The following KCNIP4 variants were observed in gnomAD, a reference collection of about 807,000 sequenced individuals.
The protein encoded by KCNIP4 is Kv channel-interacting protein 4.
Under a neutral mutation model 34.0 loss-of-function variants are expected in KCNIP4, and 12 were observed. The ratio of observed to expected loss-of-function variants is 0.35; its 90% CI spans 0.23 to 0.57. KCNIP4 has a LOEUF of 0.57. Among genes scored for constraint, KCNIP4 ranks in the 20% least tolerant of loss-of-function variants. The probability of loss-of-function intolerance (pLI) is 0.83; values close to 1 mark genes in which losing one functional copy is unlikely to be tolerated. For missense variants in KCNIP4, 238 were observed against 311.7 expected (o/e 0.76, Z 1.78); for synonymous variants, 124 against 102.2 (o/e 1.21, Z -1.29).
intron 1 of KCNIP4, among the ~76,000 whole-genome samples, chr4:21,459,108 C>T (rs1252678652): frequency 6.6e-6 from 1 of 152,024 alleles, no homozygotes; most frequent in Non-Finnish European, 1.5e-5. Flanking sequence ...ATTTTCCCTC[C>T]AGCTACTGTT....
chr4:21,827,155 G>A lies in KCNIP4; in HGVS notation c.61+121416C>T, dbSNP rs192129960. On this transcript the variant is annotated intron_variant, in intron 1 of 8. Coordinates refer to ENST00000382152, the MANE Select transcript of KCNIP4 (RefSeq NM_025221.6). ...AATGTGAATAAGCAATAAATTTTAA[G>A]AACACAAAATAAATTCCATTTGTGT... Among the ~76,000 whole-genome samples the A allele has an allele frequency of 3.9e-5, 6 of 152,042 alleles. No individual in the cohort carries two copies. The East Asian group carries it at 1.2e-3, about 29-fold the overall frequency.
chr4:21,366,441 G>T (rs1719772556), intron 1 of KCNIP4, among the ~76,000 whole-genome samples: 1 of 152,164 alleles, frequency 6.6e-6, no homozygotes, highest in Non-Finnish European at 1.5e-5. Flanking sequence ...AAAACAAAAA[G>T]GAAATTCCTG....
chr4:21,643,524 A>G (rs1414201837), intron 1 of KCNIP4, among the ~76,000 whole-genome samples: 1 of 152,184 alleles, frequency 6.6e-6, no homozygotes, highest in East Asian at 1.9e-4. Flanking sequence ...CGGTTAAATG[A>G]TGGTATCCAA....
intron 3 of KCNIP4, among the ~76,000 whole-genome samples, chr4:20,789,571 G>A (rs752275183): frequency 6.6e-6 from 1 of 151,944 alleles, no homozygotes; most frequent in Admixed American, 6.6e-5. Flanking sequence ...TGCTGGGCTT[G>A]GCCCTGTGCC....
At chr4:21,500,317 A>T (rs1322357059) in intron 1 of KCNIP4, among the ~76,000 whole-genome samples, 5 of 152,072 alleles carry the variant, frequency 3.3e-5, no homozygotes, top group Non-Finnish European at 5.9e-5. Context: ...CTGGGTTTTT[A>T]TAGGTGAGAG....
chr4:20,922,637 T>C (rs1224019461), intron 1 of KCNIP4, among the ~76,000 whole-genome samples: 1 of 152,074 alleles, frequency 6.6e-6, no homozygotes, highest in East Asian at 1.9e-4. Flanking sequence ...GTAAATAAAT[T>C]TACTTCATGT....
At chr4:21,306,582 A>G (rs536057952) in intron 1 of KCNIP4, among the ~76,000 whole-genome samples, 4 of 152,318 alleles carry the variant, frequency 2.6e-5, no homozygotes, top group Non-Finnish European at 5.9e-5. Flanking sequence ...ACTTTGGAAC[A>G]TGAAAAGCAT....
chr4:21,307,102 G>T (rs975861151), intron 1 of KCNIP4, among the ~76,000 whole-genome samples: 2 of 152,152 alleles, frequency 1.3e-5, no homozygotes, highest in South Asian at 2.1e-4. Context: ...GATTACAGGC[G>T]TGAGCAACTG....
At chr4:21,948,164 G>A (rs1730605883) in intron 1 of KCNIP4, among the ~76,000 whole-genome samples, 1 of 152,218 alleles carries the variant, frequency 6.6e-6, no homozygotes, top group Admixed American at 6.5e-5. Context: ...GGGCATGAAG[G>A]AAAAGTGGAA....
At chr4:21,618,198 T>G (rs1379999821) in intron 1 of KCNIP4, among the ~76,000 whole-genome samples, 2 of 152,164 alleles carry the variant, frequency 1.3e-5, no homozygotes, top group Non-Finnish European at 2.9e-5. Context: ...ATGCTCCTAG[T>G]CTGGGTAGGT....
chr4:20,767,001 T>C (rs1755473460), intron 3 of KCNIP4: 1 of 152,182 alleles, frequency 6.6e-6, no homozygotes, highest in Admixed American at 6.5e-5. Flanking sequence ...ATACACATAT[T>C]ATGCTATTAT....
intron 1 of KCNIP4, among the ~76,000 whole-genome samples, chr4:21,238,324 C>T (rs1759532998): frequency 6.6e-6 from 1 of 152,104 alleles, no homozygotes; most frequent in South Asian, 2.1e-4. Context: ...TGGCACAAGA[C>T]AGGGATGCCC....
rs572970800 is a variant in KCNIP4, at chr4:21,185,065, C to T, written c.62-302356G>A. Among the ~76,000 whole-genome samples the T allele has an allele frequency of 7.0e-4, 106 of 152,226 alleles. 1 individual carries two copies. Among genetic ancestry groups the T allele is most frequent in the Non-Finnish European group, 8.1e-4 (55 of 68,010 alleles). On this transcript the variant is annotated intron_variant, in intron 1 of 8. Transcript: ENST00000382152. Reference sequence around the variant, plus strand: ...GCCAAGAGTTGCAAAAAAATTCCTACGTATAACTTCTAGAAAGATTACTAT... The same window carrying T: ...GCCAAGAGTTGCAAAAAAATTCCTATGTATAACTTCTAGAAAGATTACTAT...
chr4:21,855,966 C>A (rs1724725866), intron 1 of KCNIP4, among the ~76,000 whole-genome samples: 1 of 152,182 alleles, frequency 6.6e-6, no homozygotes, highest in South Asian at 2.1e-4. Context: ...CAGAATATGT[C>A]TGTTAAAATG....
At chr4:21,735,343 T>C (rs963391310) in intron 1 of KCNIP4, among the ~76,000 whole-genome samples, 3 of 152,214 alleles carry the variant, frequency 2.0e-5, no homozygotes, top group Non-Finnish European at 4.4e-5. Context: ...GATGAAGTTA[T>C]AATTCAATAA....
chr4:20,993,165 C>A (rs1211841577), intron 1 of KCNIP4, among the ~76,000 whole-genome samples: 1 of 151,974 alleles, frequency 6.6e-6, no homozygotes, highest in Non-Finnish European at 1.5e-5. Context: ...GGACTGGGAG[C>A]CAGACATGTA....
chr4:21,119,440 T>G (rs1430534761), intron 1 of KCNIP4, among the ~76,000 whole-genome samples: 1 of 142,164 alleles, frequency 7.0e-6, no homozygotes, highest in South Asian at 2.6e-4. Context: ...TGTCTGTGGG[T>G]TGGGTCACAC....
chr4:20,798,984 G>A (rs1713865203), intron 3 of KCNIP4, among the ~76,000 whole-genome samples: 2 of 152,154 alleles, frequency 1.3e-5, no homozygotes, highest in South Asian at 4.1e-4. Context: ...ACACCATTTT[G>A]GAACCAGAGA....
chr4:21,558,650 A>T (rs189392049), intron 1 of KCNIP4, among the ~76,000 whole-genome samples: 157 of 152,250 alleles, frequency 1.0e-3, no homozygotes, highest in African/African-American at 3.7e-3. Context: ...AAGAAAAAAA[A>T]TCCATGTCCA....
Sources: allele counts gnomAD v4.1 joint callset (sites outside exome capture counted in the v4.1 genomes callset), GRCh38; gene constraint gnomAD v4.1.1; transcripts MANE v1.5; gene names NCBI Gene and HGNC (gene_info 2026-07-23, HGNC 2026-07-21).